The following GNA14 variants were observed in gnomAD, a reference collection of about 807,000 sequenced individuals.
GNA14 encodes the protein G protein subunit alpha 14.
A neutral mutation model predicts 42.0 loss-of-function variants in GNA14; 50 were observed. The observed-to-expected ratio is 1.19, with a 90% confidence interval of 0.95 to 1.51. The LOEUF is 1.51. GNA14 is among the 40% of genes most tolerant of loss of function. The probability of loss-of-function intolerance (pLI) is 0.00; values close to 1 mark genes in which losing one functional copy is unlikely to be tolerated. For synonymous variants in GNA14, 173 were observed against 163.1 expected, an observed-to-expected ratio of 1.06 and a Z score of -0.46; for missense variants, 473 against 446.2, an observed-to-expected ratio of 1.06 and a Z score of -0.54.
chr9:77,461,051 T>C (rs1836095684), intron 2 of GNA14, among the ~76,000 whole-genome samples: 1 of 152,244 alleles, frequency 6.6e-6, no homozygotes, highest in Admixed American at 6.5e-5. Context: ...TTAGCTGTGA[T>C]AAGTGGCAGA....
intron 1 of GNA14, among the ~76,000 whole-genome samples, chr9:77,618,618 A>G (rs10869948): frequency 2.9e-4 from 2 of 7,006 alleles, no homozygotes; most frequent in Non-Finnish European, 4.8e-4. Context: ...ATATATATAT[A>G]TATTTTTTTT....
intron 4 of GNA14, among the ~76,000 whole-genome samples, chr9:77,429,831 T>C (rs1265411072): frequency 6.6e-6 from 1 of 152,106 alleles, no homozygotes; most frequent in African/African-American, 2.4e-5. Flanking sequence ...ATGTGTTAGC[T>C]CAAACGTTTT....
chr9:77,535,249 GATTT>G (rs1293785341), intron 1 of GNA14, among the ~76,000 whole-genome samples: 1 of 152,114 alleles, frequency 6.6e-6, no homozygotes, highest in African/African-American at 2.4e-5. Flanking sequence ...TTAAAATACT[GATTT>G]ATGGGCTGGG....
chr9:77,637,504 G>A (rs1181318907), intron 1 of GNA14, among the ~76,000 whole-genome samples: 1 of 152,164 alleles, frequency 6.6e-6, no homozygotes, highest in African/African-American at 2.4e-5. Flanking sequence ...TATCTTATCA[G>A]CAACCCTATA....
At chr9:77,476,362 G>C (rs1008390252) in intron 2 of GNA14, among the ~76,000 whole-genome samples, 1 of 152,186 alleles carries the variant, frequency 6.6e-6, no homozygotes, top group Non-Finnish European at 1.5e-5. Flanking sequence ...CTGAGAGCAG[G>C]AAATGACATC....
At chr9:77,458,508 A>G (rs1268132316) in intron 2 of GNA14, among the ~76,000 whole-genome samples, 2 of 152,198 alleles carry the variant, frequency 1.3e-5, no homozygotes, top group African/African-American at 2.4e-5. Flanking sequence ...GTTAGCCCAG[A>G]TATCAAAGTC....
chr9:77,545,141 G>A (rs1312929203), intron 1 of GNA14, among the ~76,000 whole-genome samples: 2 of 152,134 alleles, frequency 1.3e-5, no homozygotes, highest in Non-Finnish European at 2.9e-5. Context: ...AAAGATGAAG[G>A]AACCATCTTG....
intron 1 of GNA14, among the ~76,000 whole-genome samples, chr9:77,588,874 A>G (rs1823345881): frequency 6.6e-6 from 1 of 152,168 alleles, no homozygotes. Flanking sequence ...CAGTCGCAGA[A>G]AATTCTTCAA....
intron 1 of GNA14, among the ~76,000 whole-genome samples, chr9:77,581,927 C>T (rs757710658): frequency 1.5e-4 from 23 of 152,210 alleles, no homozygotes; most frequent in South Asian, 2.1e-4. Context: ...AGAACCGTGA[C>T]ATCAACAGGA....
intron 2 of GNA14, among the ~76,000 whole-genome samples, chr9:77,483,822 AT>A (rs1381105306): frequency 6.6e-6 from 1 of 152,220 alleles, no homozygotes; most frequent in Non-Finnish European, 1.5e-5. Flanking sequence ...TAGGGATAAA[AT>A]GAAGGTATGA....
chr9:77,434,314 T>G lies in GNA14; in HGVS notation c.464+54A>C, dbSNP rs141853866. 547 of 1,532,302 alleles carry G rather than the reference T, an allele frequency of 3.6e-4. 4 individuals carry two copies. The African/African-American group carries it at 6.1e-3, about 17-fold the overall frequency. 94.9% of individuals were successfully genotyped at this position (1,532,302 alleles called of 1,614,324 possible). A position where few individuals can be genotyped will look rare whatever the true frequency, so the allele number is the denominator to read the frequency against. On this transcript the variant is annotated intron_variant, in intron 3 of 6. Coordinates refer to ENST00000341700, the MANE Select transcript of GNA14 (RefSeq NM_004297.4). The stretch of plus-strand genomic sequence containing the variant: ...TTCAGCGAGAAACTTCTTTGAAGTG[T>G]GGCCGAGCTTGCCTGAAAGCACCGC...
chr9:77,629,180 T>C (rs1343553435), intron 1 of GNA14, among the ~76,000 whole-genome samples: 1 of 152,186 alleles, frequency 6.6e-6, no homozygotes, highest in African/African-American at 2.4e-5. Context: ...CACAATGAGA[T>C]ACCCTCTCAC....
chr9:77,624,279 T>C (rs1002686242), intron 1 of GNA14, among the ~76,000 whole-genome samples: 8 of 152,118 alleles, frequency 5.3e-5, no homozygotes, highest in African/African-American at 1.9e-4. Flanking sequence ...GTCAGGGGCT[T>C]ATAGGTAAAA....
chr9:77,446,988 G>T (rs1188386726), intron 2 of GNA14, among the ~76,000 whole-genome samples: 2 of 151,118 alleles, frequency 1.3e-5, no homozygotes, highest in Non-Finnish European at 2.9e-5. Flanking sequence ...TTTTGAGACG[G>T]AGTTTCATTC....
chr9:77,612,754 CTT>C (rs1015448598), intron 1 of GNA14, among the ~76,000 whole-genome samples: 5 of 151,580 alleles, frequency 3.3e-5, no homozygotes, highest in African/African-American at 4.8e-5. Context: ...TTTGTATAGT[CTT>C]TGTGGAAAAC....
intron 2 of GNA14, among the ~76,000 whole-genome samples, chr9:77,509,275 G>A (rs1000961503): frequency 6.6e-6 from 1 of 152,228 alleles, no homozygotes; most frequent in Non-Finnish European, 1.5e-5. Context: ...GTATGTGTCA[G>A]AATTTCATTT....
intron 1 of GNA14, among the ~76,000 whole-genome samples, chr9:77,614,822 T>TC (rs1471127760): frequency 6.6e-6 from 1 of 152,134 alleles, no homozygotes; most frequent in Non-Finnish European, 1.5e-5. Context: ...GCCTAGATTC[T>TC]CCCCATGAAG....
intron 2 of GNA14, among the ~76,000 whole-genome samples, chr9:77,465,029 C>T (rs574644587): frequency 6.6e-6 from 1 of 152,180 alleles, no homozygotes; most frequent in African/African-American, 2.4e-5. Flanking sequence ...GAAGAAGCCT[C>T]TCCTATAGGC....
intron 2 of GNA14, among the ~76,000 whole-genome samples, chr9:77,445,144 T>A (rs1835794579): frequency 6.6e-6 from 1 of 152,218 alleles, no homozygotes; most frequent in Non-Finnish European, 1.5e-5. Flanking sequence ...AGGGGCTACA[T>A]CTTCCCTTTT....
Sources: allele counts gnomAD v4.1 joint callset (sites outside exome capture counted in the v4.1 genomes callset), GRCh38; gene constraint gnomAD v4.1.1; transcripts MANE v1.5; gene names NCBI Gene and HGNC (gene_info 2026-07-23, HGNC 2026-07-21).